Variants in CNTN4 observed in about 807,000 individuals in gnomAD.
The protein encoded by CNTN4 is contactin-4.
Under a neutral mutation model 122.5 loss-of-function variants are expected in CNTN4, and 77 were observed. The observed-to-expected ratio is 0.63, with a 90% CI of 0.52 to 0.76. The LOEUF is 0.76. Among genes scored for constraint, CNTN4 ranks in the 30% least tolerant of loss-of-function variants. CNTN4 has a pLI of 0.00. For synonymous variants in CNTN4, 512 were observed against 447.0 expected (o/e 1.15, Z -1.83); for missense variants, 1,256 against 1,259.1 (o/e 1.00, Z 0.04).
chr3:2,887,121 T>G lies in CNTN4; in HGVS notation c.837T>G (p.Ile279Met). 1 of 1,614,128 alleles carries G rather than the reference T, an allele frequency of 6.2e-7. No homozygotes were observed. The highest frequency in any genetic ancestry group is 8.5e-7 in the Non-Finnish European group (1 of 1,180,010). Residue 279 changes from isoleucine (I) to methionine (M), a missense_variant, in exon 10 of 25, where the codon ATT becomes ATG. Transcript: ENST00000418658. ...RKARRHKSNG[I>M]LEIPNFQQED... ...CCAGAAGACACAAGTCAAATGGAAT[T>G]CTTGAGATCCCTAATTTTCAGCAGG...
chr3:2,582,633 A>T (rs2079996525), intron 4 of CNTN4, among the ~76,000 whole-genome samples: 1 of 152,166 alleles, frequency 6.6e-6, no homozygotes, highest in Non-Finnish European at 1.5e-5. Flanking sequence ...ATTGGATTCC[A>T]CCCCAAGAGC....
chr3:2,916,370 C>G (rs1177652003), intron 12 of CNTN4, among the ~76,000 whole-genome samples: 2 of 148,606 alleles, frequency 1.3e-5, no homozygotes, highest in African/African-American at 5.0e-5. Flanking sequence ...TGTTTGTGTC[C>G]CTGGGTACTT....
chr3:2,357,585 A>G (rs1282153043), intron 3 of CNTN4, among the ~76,000 whole-genome samples: 1 of 152,238 alleles, frequency 6.6e-6, no homozygotes, highest in Non-Finnish European at 1.5e-5. Flanking sequence ...CAGGCTGCAG[A>G]GAGATTGTTG....
intron 3 of CNTN4, among the ~76,000 whole-genome samples, chr3:2,389,785 A>C (rs887193642): frequency 4.6e-5 from 7 of 152,248 alleles, no homozygotes; most frequent in Non-Finnish European, 7.3e-5. Flanking sequence ...GTAATGGGAC[A>C]GATCATTATT....
intron 4 of CNTN4, among the ~76,000 whole-genome samples, chr3:2,664,352 G>A (rs2084045282): frequency 6.6e-6 from 1 of 152,212 alleles, no homozygotes; most frequent in South Asian, 2.1e-4. Context: ...TTTTCTGTGG[G>A]AAACACTTCT....
chr3:2,882,421 A>G (rs1211518875), intron 8 of CNTN4, among the ~76,000 whole-genome samples: 1 of 152,212 alleles, frequency 6.6e-6, no homozygotes, highest in African/African-American at 2.4e-5. Context: ...TTTAATTGCA[A>G]AGCATGGACT....
chr3:2,181,020 A>G (rs1209005943), intron 2 of CNTN4, among the ~76,000 whole-genome samples: 1 of 152,104 alleles, frequency 6.6e-6, no homozygotes, highest in Non-Finnish European at 1.5e-5. Context: ...GGACAACTAC[A>G]TGGGAAACTT....
chr3:2,889,066 A>G (rs989972137), intron 10 of CNTN4, among the ~76,000 whole-genome samples: 1 of 152,162 alleles, frequency 6.6e-6, no homozygotes, highest in African/African-American at 2.4e-5. Context: ...GAAGGAAGGA[A>G]TAAAAGAAAA....
At chr3:2,477,926 G>A (rs1036362004) in intron 3 of CNTN4, among the ~76,000 whole-genome samples, 4 of 152,176 alleles carry the variant, frequency 2.6e-5, no homozygotes, top group African/African-American at 9.7e-5. Flanking sequence ...AAAACAAACA[G>A]GAGATTTTGC....
At chr3:2,667,688 A>T (rs6794530) in intron 4 of CNTN4, among the ~76,000 whole-genome samples, 4,355 of 78,382 alleles carry the variant, frequency 0.056, 168 homozygotes, top group African/African-American at 0.075. Context: ...CTGAATGGTA[A>T]TGCCTAGGTT....
chr3:2,481,596 A>G (rs1039505652), intron 3 of CNTN4, among the ~76,000 whole-genome samples: 3 of 152,208 alleles, frequency 2.0e-5, no homozygotes, highest in Admixed American at 6.5e-5. Flanking sequence ...TTAAAACTGT[A>G]AAACCTCTTG....
intron 18 of CNTN4, chr3:3,037,675 G>T (rs1252110139): frequency 2.8e-6 from 1 of 353,430 alleles, no homozygotes; most frequent in Non-Finnish European, 5.5e-6. Context: ...TCTCACATAA[G>T]TAACTAATGG....
chr3:2,120,395 ATATATATATATTTTT>A (rs2033676575), intron 2 of CNTN4, among the ~76,000 whole-genome samples: 14 of 30,638 alleles, frequency 4.6e-4, no homozygotes, highest in African/African-American at 1.2e-3. Context: ...ATATATATAT[ATATATATATATTTTT>A]TTTTTTTTTT....
chr3:2,606,852 A>G (rs954287070), intron 4 of CNTN4, among the ~76,000 whole-genome samples: 1 of 152,212 alleles, frequency 6.6e-6, no homozygotes, highest in African/African-American at 2.4e-5. Flanking sequence ...GAAGATAGTA[A>G]GTAAAACCTA....
rs549843728 is a variant in CNTN4 at position 2,600,060 on chromosome 3, A to G, written c.55+28502A>G. ...TGCCAAAACATTCTTTATTTGGTCAATAAAGGGCAGAAGTTTTGGATTCTT... is the reference window on the plus strand; with the variant it reads ...TGCCAAAACATTCTTTATTTGGTCAGTAAAGGGCAGAAGTTTTGGATTCTT... On this transcript the variant is annotated intron_variant, in intron 4 of 24. Coordinates refer to ENST00000418658, the MANE Select transcript of CNTN4 (RefSeq NM_175607.3). 4.2e-5 allele frequency among the ~76,000 whole-genome samples: 5 copies of G among 118,218 alleles called. No homozygotes were observed. The South Asian group carries it at 1.3e-3, about 30-fold the overall frequency. The allele number at this position is 118,218 out of a possible 152,430, so 77.6% of individuals were successfully genotyped here.
chr3:2,869,990 C>T (rs1385452274), intron 8 of CNTN4, among the ~76,000 whole-genome samples: 1 of 152,172 alleles, frequency 6.6e-6, no homozygotes, highest in South Asian at 2.1e-4. Flanking sequence ...CCCAAATGCA[C>T]TTAGGCCAGA....
intron 6 of CNTN4, among the ~76,000 whole-genome samples, chr3:2,760,689 A>G (rs1475539147): frequency 6.6e-6 from 1 of 152,196 alleles, no homozygotes; most frequent in Non-Finnish European, 1.5e-5. Flanking sequence ...TCTATCCTAC[A>G]TTCCCTGCAA....
intron 2 of CNTN4, among the ~76,000 whole-genome samples, chr3:2,263,134 A>G (rs1421780635): frequency 1.3e-5 from 2 of 152,144 alleles, no homozygotes; most frequent in African/African-American, 4.8e-5. Flanking sequence ...GCTAAAATTT[A>G]TGTCCTCTAA....
intron 6 of CNTN4, among the ~76,000 whole-genome samples, chr3:2,754,720 C>T (rs1464843595): frequency 1.3e-5 from 2 of 149,764 alleles, no homozygotes; most frequent in African/African-American, 4.9e-5. Flanking sequence ...AATAAAGTAA[C>T]TCTTCTGCTG....
Sources: allele counts gnomAD v4.1 joint callset (sites outside exome capture counted in the v4.1 genomes callset), GRCh38; gene constraint gnomAD v4.1.1; transcripts MANE v1.5; gene names NCBI Gene and HGNC (gene_info 2026-07-23, HGNC 2026-07-21).